Variants in KIAA2012 observed in about 807,000 individuals in gnomAD.
KIAA2012 encodes KIAA2012.
KIAA2012 carries 125 observed loss-of-function variants against 150.6 expected under a neutral mutation model. That is an observed-to-expected ratio of 0.83 (90% confidence interval 0.72 to 0.96). The LOEUF (loss-of-function observed/expected upper bound fraction) is 0.96, where lower values mean the gene tolerates loss of function less well. Ranked by LOEUF, KIAA2012 falls within the 40% of genes least tolerant of loss-of-function variation. The pLI, the probability that KIAA2012 is intolerant of heterozygous loss-of-function variation, is 0.00. For missense variants in KIAA2012, 1,219 were observed against 1,354.9 expected, an observed-to-expected ratio of 0.90 and a Z score of 1.57; for synonymous variants, 462 against 504.7, an observed-to-expected ratio of 0.92 and a Z score of 1.13.
intron 15 of KIAA2012, among the ~76,000 whole-genome samples, chr2:202,175,851 C>A (rs1691979536): frequency 2.6e-5 from 4 of 151,934 alleles, no homozygotes; most frequent in African/African-American, 9.7e-5. Flanking sequence ...TATTTTAAAG[C>A]TGTAAAAAAT....
intron 15 of KIAA2012, among the ~76,000 whole-genome samples, chr2:202,167,584 T>A (rs754528397): frequency 1.3e-5 from 2 of 152,180 alleles, no homozygotes; most frequent in African/African-American, 2.4e-5. Flanking sequence ...CCCAGCACTT[T>A]GGGAGGCAGG....
intron 10 of KIAA2012, among the ~76,000 whole-genome samples, chr2:202,111,032 T>C (rs1175055469): frequency 1.3e-5 from 2 of 152,148 alleles, no homozygotes; most frequent in African/African-American, 4.8e-5. Context: ...CCCTTTATAC[T>C]TGTGTGACAG....
At chr2:202,171,880 T>C (rs1691900742) in intron 15 of KIAA2012, among the ~76,000 whole-genome samples, 1 of 147,052 alleles carries the variant, frequency 6.8e-6, no homozygotes, top group African/African-American at 2.6e-5. Context: ...GACAGAGTCT[T>C]ACTCTGTTGC....
intron 17 of KIAA2012, among the ~76,000 whole-genome samples, chr2:202,187,504 A>G (rs948130767): frequency 3.3e-5 from 5 of 152,106 alleles, no homozygotes; most frequent in African/African-American, 4.8e-5. Context: ...CCAGGGTTTC[A>G]CCATGTTGGC....
At chr2:202,109,341 C>T (rs555750398) in intron 9 of KIAA2012, among the ~76,000 whole-genome samples, 104 of 152,284 alleles carry the variant, frequency 6.8e-4, no homozygotes, top group African/African-American at 2.3e-3. Flanking sequence ...TGAACAGCCA[C>T]GATTCTAGCC....
intron 22 of KIAA2012, among the ~76,000 whole-genome samples, chr2:202,199,482 A>T (rs575043783): frequency 6.6e-6 from 1 of 152,160 alleles, no homozygotes; most frequent in African/African-American, 2.4e-5. Flanking sequence ...AAATCTTCAA[A>T]ATAGTCTTTA....
At chr2:202,126,475 A>T (rs957665947) in intron 12 of KIAA2012, among the ~76,000 whole-genome samples, 2 of 152,210 alleles carry the variant, frequency 1.3e-5, no homozygotes, top group Non-Finnish European at 1.5e-5. Flanking sequence ...GGCCCTCTGC[A>T]TTCCCCCTTG....
intron 18 of KIAA2012, among the ~76,000 whole-genome samples, chr2:202,189,295 C>T (rs1026227617): frequency 1.4e-5 from 2 of 143,384 alleles, no homozygotes; most frequent in Non-Finnish European, 3.1e-5. Context: ...GAAATAGAAC[C>T]TTTTTTTTTT....
intron 15 of KIAA2012, chr2:202,179,927 T>G (rs1692083527): frequency 3.8e-6 from 3 of 797,328 alleles, no homozygotes; most frequent in Non-Finnish European, 6.1e-6. Flanking sequence ...AGTTGGAATC[T>G]TCAACGAAGC....
At chr2:202,190,048 A>C (rs1201351906) in intron 18 of KIAA2012, 126 bp from the exon 19 acceptor site, 1 of 719,758 alleles carries the variant, frequency 1.4e-6, no homozygotes, top group African/African-American at 1.8e-5. Flanking sequence ...TGATCGTGCC[A>C]CTGCTCTCCA....
intron 13 of KIAA2012, among the ~76,000 whole-genome samples, chr2:202,143,075 A>ATTTTTTTTT (rs59488285): frequency 3.2e-5 from 4 of 124,990 alleles, no homozygotes; most frequent in African/African-American, 6.2e-5. Context: ...CACTGGTTTA[A>ATTTTTTTTT]TTTTTTTTTT....
intron 13 of KIAA2012, among the ~76,000 whole-genome samples, chr2:202,142,486 G>T (rs746314225): frequency 6.6e-5 from 10 of 152,206 alleles, no homozygotes; most frequent in Non-Finnish European, 1.5e-4. Context: ...TCAGAGAAAT[G>T]ATTTTGGGGA....
In KIAA2012 at chr2:202,195,601, G is replaced by GC. The variant is rs376955892; in HGVS notation, c.3188-1198dup. On this transcript the variant is annotated intron_variant, in intron 21 of 23. Transcript: ENST00000498697. ...AGTTATTGTTACAGTTGCCTACAGT[G>GC]CTATAGAACACTAGAACTTACTCCT... Among the ~76,000 whole-genome samples the GC allele has an allele frequency of 4.3e-3, 651 of 151,998 alleles. 8 individuals are homozygous for GC. Among genetic ancestry groups the GC allele is most frequent in the African/African-American group, 0.015 (608 of 41,440 alleles).
intron 22 of KIAA2012, 131 bp downstream of exon 22, chr2:202,197,150 G>A (rs2105753357): frequency 7.4e-7 from 1 of 1,352,354 alleles, no homozygotes. Flanking sequence ...TTGGAAGACT[G>A]AAAGGCATAG....
At chr2:202,170,821 C>T (rs1419711061) in intron 15 of KIAA2012, among the ~76,000 whole-genome samples, 1 of 152,196 alleles carries the variant, frequency 6.6e-6, no homozygotes, top group Non-Finnish European at 1.5e-5. Context: ...AGTTCACACT[C>T]CCTGTGTGCC....
chr2:202,113,268 C>A, intron 10 of KIAA2012, 68 bp from the exon 11 acceptor site: 3 of 1,238,972 alleles, frequency 2.4e-6, no homozygotes, highest in Non-Finnish European at 2.3e-6. Context: ...GGGAACATGG[C>A]CCAGGTTTGG....
intron 15 of KIAA2012, chr2:202,179,291 A>G: frequency 8.4e-7 from 1 of 1,183,886 alleles, no homozygotes; most frequent in East Asian, 2.8e-5. Flanking sequence ...CTCTTCGGGT[A>G]AAGATGGCGG....
At chr2:202,197,078 A>G (rs1279574154) in intron 22 of KIAA2012, 59 bp downstream of exon 22, 1 of 1,546,790 alleles carries the variant, frequency 6.5e-7, no homozygotes, top group East Asian at 2.4e-5. Flanking sequence ...TTCACTGTCC[A>G]GTGCTAGTGC....
Position 202,194,235 on chromosome 2 carries a change from G to C in KIAA2012, c.3060G>C (p.Glu1020Asp). 6.4e-7 allele frequency: 1 copy of C among 1,550,630 alleles called. No individual in the cohort carries two copies. Among genetic ancestry groups the C allele is most frequent in the Non-Finnish European group, 8.7e-7 (1 of 1,147,006 alleles). Residue 1020 changes from glutamate to aspartate, a missense_variant, in exon 21 of 24, where the codon GAG becomes GAC. Physicochemically the swap from Glu to Asp is conservative, Grantham distance 45. Transcript: ENST00000498697. The part of the protein sequence containing the change: ...RLQEEQQRQE[E>D]EERKQQLRLK... ...AAGAAGAACAGCAGCGGCAGGAGGA[G>C]GAGGAGAGAAAGCAGCAGCTCCGGT...
Sources: gnomAD v4.1 joint callset for allele counts (sites outside exome capture counted in the v4.1 genomes callset) on GRCh38, gnomAD v4.1.1 for gene constraint, MANE v1.5 for transcripts, NCBI Gene and HGNC (gene_info 2026-07-23, HGNC 2026-07-21) for gene names.